SCN11A: variants seen among roughly 807,000 people sequenced by gnomAD.
SCN11A encodes sodium voltage-gated channel alpha subunit 11.
Under a neutral mutation model 162.2 loss-of-function variants are expected in SCN11A, and 122 were observed. The observed-to-expected ratio is 0.75, with a 90% CI of 0.65 to 0.87. The LOEUF (loss-of-function observed/expected upper bound fraction) is 0.87. SCN11A is among the 40% of genes least tolerant of loss of function. SCN11A has a pLI of 0.00. For missense variants in SCN11A, 2,015 were observed against 2,181.6 expected (o/e 0.92, Z 1.52); for synonymous variants, 758 against 751.5 (o/e 1.01, Z -0.14).
intron 6 of SCN11A, 30 bp downstream of exon 6, chr3:38,946,759 G>A: frequency 7.0e-7 from 1 of 1,422,812 alleles, no homozygotes. Flanking sequence ...AAATGATCTG[G>A]ACTTAGTAAA....
chr3:38,944,684 C>A (rs193085878), intron 7 of SCN11A, among the ~76,000 whole-genome samples: 4 of 151,336 alleles, frequency 2.6e-5, no homozygotes, highest in African/African-American at 7.3e-5. Context: ...AATAGGGCTG[C>A]GTGCAGTGGC....
intron 1 of SCN11A, among the ~76,000 whole-genome samples, chr3:39,047,018 GC>G (rs1477888493): frequency 3.8e-4 from 42 of 109,422 alleles, no homozygotes; most frequent in Admixed American, 9.8e-4. Flanking sequence ...ATTGCACACA[GC>G]CCCCCACCCC....
Position 38,870,698 on chromosome 3 carries a change from G to C in SCN11A, c.3806C>G (p.Ser1269Cys). The C allele has an allele frequency of 6.2e-7, 1 of 1,613,328 alleles. No individual in the cohort carries two copies. Among genetic ancestry groups the C allele is most frequent in the Non-Finnish European group, 8.5e-7 (1 of 1,179,384 alleles). The change falls in exon 26 of 30, where the codon TCC becomes TGC. Residue 1269 changes from serine to cysteine, a missense_variant. By Grantham distance (112) the Ser-to-Cys change is moderately radical. Transcript: ENST00000302328. ...WMDIIYAAVDSTEKEQQPEFE... is the reference protein window; with the variant it reads ...WMDIIYAAVDCTEKEQQPEFE... The stretch of plus-strand genomic sequence containing the variant: ...GGTAGAACACTGACTCACCTCTGTG[G>C]AATCAACAGCTGCATATATAATATC...
chr3:38,891,633 C>A (rs1256163073), intron 19 of SCN11A, among the ~76,000 whole-genome samples: 1 of 152,132 alleles, frequency 6.6e-6, no homozygotes, highest in South Asian at 2.1e-4. Flanking sequence ...GATCAACAGG[C>A]CAGTATCTTG....
At chr3:38,945,935 C>T (rs573545102) in intron 6 of SCN11A, among the ~76,000 whole-genome samples, 17 of 152,258 alleles carry the variant, frequency 1.1e-4, no homozygotes, top group African/African-American at 4.1e-4. Context: ...AATAAGAATG[C>T]CCATATCAGG....
At chr3:38,966,515 T>A (rs2066783505) in intron 2 of SCN11A, among the ~76,000 whole-genome samples, 1 of 152,236 alleles carries the variant, frequency 6.6e-6, no homozygotes, top group Non-Finnish European at 1.5e-5. Flanking sequence ...TATATTTGAT[T>A]TTGTTGCATG....
chr3:38,870,587 AC>A, intron 26 of SCN11A, 103 bp downstream of exon 26: 1 of 900,458 alleles, frequency 1.1e-6, no homozygotes, highest in Non-Finnish European at 1.8e-6. Flanking sequence ...AAGGCAGAGA[AC>A]CCCAGCTGCT....
chr3:38,938,791 C>T lies in SCN11A; in HGVS notation c.488+6620G>A, dbSNP rs530600187. Among the ~76,000 whole-genome samples the T allele has an allele frequency of 4.7e-3, 713 of 151,174 alleles. 2 individuals carry two copies. The highest frequency in any genetic ancestry group is 6.8e-3 in the Middle Eastern group (2 of 294). On this transcript the variant is annotated intron_variant, in intron 7 of 29. Transcript: ENST00000302328. ...GTTGGTCAGGCTGGTCTTGAACTCC[C>T]GACCTCAGGTTATCTGCCCGCCTCG...
In SCN11A at chr3:38,850,592, C is replaced by T. The variant is rs2064760204; in HGVS notation, c.4216G>A (p.Val1406Met). 1.2e-6 allele frequency: 2 copies of T among 1,613,786 alleles called. No homozygotes were observed. Among genetic ancestry groups the T allele is most frequent in the Admixed American group, 1.7e-5 (1 of 59,978 alleles). The part of the protein sequence containing the change: ...SILDHLNWVF[V>M]VIFTLECLIK... ...AGACATTCTAACGTAAAGATGACCA[C>T]AAAGACCCAGTTGAGATGGTCAAGG... Residue 1406 changes from valine (V) to methionine (M), a missense_variant, in exon 29 of 30, where the codon GTG (valine) becomes ATG (methionine). By Grantham distance (21) the Val-to-Met change is conservative. Coordinates refer to ENST00000302328, the MANE Select transcript of SCN11A (RefSeq NM_001349253.2).
At position 38,939,327 on chromosome 3, in the gene SCN11A, TA is replaced by T. The variant is rs201503094; in HGVS notation, c.488+6083del. Among the ~76,000 whole-genome samples the T allele has an allele frequency of 3.8e-4, 57 of 151,638 alleles. No homozygotes were observed. In the East Asian group the frequency reaches 8.1e-3, roughly 22 times the overall value. On this transcript the variant is annotated intron_variant, in intron 7 of 29. Transcript: ENST00000302328. ...TTAAAATGGAATTTAAGATATAGTT[TA>T]AAAAAACATAAAAATAGGCAAGCCT... is the stretch of plus-strand genomic sequence containing the variant.
chr3:39,012,362 T>C (rs1475832555), intron 2 of SCN11A, among the ~76,000 whole-genome samples: 2 of 152,066 alleles, frequency 1.3e-5, no homozygotes, highest in Non-Finnish European at 2.9e-5. Context: ...ATTCTGTTGA[T>C]TGAATAAACT....
chr3:38,963,217 A>G (rs962929341), intron 2 of SCN11A, among the ~76,000 whole-genome samples: 3 of 150,762 alleles, frequency 2.0e-5, no homozygotes, highest in Non-Finnish European at 4.4e-5. Flanking sequence ...CCAGAGGAAA[A>G]GAAGTCTTTA....
chr3:38,880,911 T>G (rs1575239469), intron 22 of SCN11A, among the ~76,000 whole-genome samples: 1 of 152,098 alleles, frequency 6.6e-6, no homozygotes, highest in Non-Finnish European at 1.5e-5. Context: ...TTACTGAGAA[T>G]GAAAGAAAGG....
intron 4 of SCN11A, among the ~76,000 whole-genome samples, chr3:38,951,889 A>G (rs1157095971): frequency 2.0e-5 from 3 of 152,170 alleles, no homozygotes; most frequent in Non-Finnish European, 4.4e-5. Context: ...CAATCAGCAG[A>G]ATGTGGGTGG....
In SCN11A at chr3:38,847,008, C is replaced by A; in HGVS notation, c.5062G>T (p.Ala1688Ser). ...DRLHCMDILF[A>S]FTARVLGGSD... ...CCACCGAGTACCCTAGCGGTGAAGG[C>A]GAAAAGAATATCCATGCAGTGGAGG... The change falls in exon 30 of 30, where the codon GCC becomes TCC. Residue 1688 changes from alanine to serine, a missense_variant. Physicochemically the swap from Ala to Ser is moderately conservative, Grantham distance 99. Coordinates refer to ENST00000302328, the MANE Select transcript of SCN11A (RefSeq NM_001349253.2). 3.7e-6 allele frequency: 6 copies of A among 1,613,986 alleles called. No individual in the cohort carries two copies. Among genetic ancestry groups the A allele is most frequent in the Non-Finnish European group, 5.1e-6 (6 of 1,179,990 alleles).
intron 5 of SCN11A, among the ~76,000 whole-genome samples, chr3:38,948,997 C>G (rs1325700497): frequency 1.3e-5 from 2 of 152,224 alleles, no homozygotes; most frequent in African/African-American, 4.8e-5. Flanking sequence ...ACTCTACTTT[C>G]CTCTGTATAT....
At chr3:38,871,408 T>C (rs1408654832) in intron 25 of SCN11A, 37 bp downstream of exon 25, 1 of 1,530,222 alleles carries the variant, frequency 6.5e-7, no homozygotes, top group Admixed American at 2.2e-5. Flanking sequence ...CTGAAGGTTT[T>C]TCTCCTCAGA....
intron 7 of SCN11A, among the ~76,000 whole-genome samples, chr3:38,936,875 A>C (rs1333562120): frequency 6.6e-6 from 1 of 152,210 alleles, no homozygotes; most frequent in Non-Finnish European, 1.5e-5. Flanking sequence ...AAACTACTTT[A>C]AAGTTCATAT....
chr3:38,867,025 T>G (rs2065051961), intron 27 of SCN11A, among the ~76,000 whole-genome samples: 2 of 152,194 alleles, frequency 1.3e-5, no homozygotes, highest in Admixed American at 6.5e-5. Context: ...TCCTGGTGGT[T>G]GTTGTTCTAT....
Sources: allele counts gnomAD v4.1 joint callset (sites outside exome capture counted in the v4.1 genomes callset), GRCh38; gene constraint gnomAD v4.1.1; transcripts MANE v1.5; gene names NCBI Gene and HGNC (gene_info 2026-07-23, HGNC 2026-07-21).